DMD: variants seen among roughly 807,000 people sequenced by gnomAD.
The protein encoded by DMD is dystrophin.
Under a neutral mutation model 330.1 loss-of-function variants are expected in DMD, and 63 were observed. The ratio of observed to expected loss-of-function variants is 0.19; its 90% CI spans 0.16 to 0.24. The LOEUF is 0.24. Among genes scored for constraint, DMD ranks in the 10% least tolerant of loss-of-function variants. The pLI is 1.00. For synonymous variants in DMD, 1,223 were observed against 959.8 expected (o/e 1.27, Z -5.07); for missense variants, 3,344 against 2,684.1 (o/e 1.25, Z -5.43).
At chrX:31,347,704 C>T (rs1602050207) in intron 61 of DMD, among the ~76,000 whole-genome samples, 1 of 112,348 alleles carries the variant, frequency 8.9e-6, no homozygotes, top group Admixed American at 9.4e-5. Flanking sequence ...AGTGCAGGTA[C>T]CCTTTTGATA....
chrX:31,686,552 C>T (rs2082701258), intron 52 of DMD, among the ~76,000 whole-genome samples: 1 of 112,175 alleles, frequency 8.9e-6, no homozygotes. Context: ...TATAAAACAT[C>T]TTTAATGTCA....
Position 32,537,113 on chromosome X carries a change from G to A in DMD, c.2168+8046C>T, listed in dbSNP as rs769626244. ...ACCACTGTGAATGGCTGCACAGGTT[G>A]CTCACTGCACAAGTTCAGGATGTAC... On this transcript the variant is annotated intron_variant, in intron 17 of 78. Transcript: ENST00000357033. Among the ~76,000 whole-genome samples, 7 of 111,891 alleles carry A rather than the reference G, an allele frequency of 6.3e-5. No homozygotes were observed. The South Asian group carries it at 2.6e-3, about 41-fold the overall frequency.
intron 44 of DMD, among the ~76,000 whole-genome samples, chrX:32,163,251 C>A (rs2096856689): frequency 8.9e-6 from 1 of 111,813 alleles, no homozygotes; most frequent in South Asian, 3.8e-4. Context: ...AATCCATGTA[C>A]CTCTCATTGT....
At chrX:32,320,750 T>G in intron 41 of DMD, among the ~76,000 whole-genome samples, 1 of 112,046 alleles carries the variant, frequency 8.9e-6, no homozygotes, top group Non-Finnish European at 1.9e-5. Flanking sequence ...GATTTGTTTC[T>G]TTTTCAAATT....
intron 1 of DMD, among the ~76,000 whole-genome samples, chrX:33,318,264 TAAG>T (rs1016668393): frequency 5.4e-5 from 6 of 110,858 alleles, no homozygotes; most frequent in Non-Finnish European, 1.1e-4. Flanking sequence ...TTTGATGAGT[TAAG>T]AATAATTGGG....
chrX:31,576,759 G>GTTTTTTTGTTTTTTTT (rs1556701827), intron 55 of DMD, among the ~76,000 whole-genome samples: 2 of 103,656 alleles, frequency 1.9e-5, no homozygotes, highest in Non-Finnish European at 4.0e-5. Context: ...ATATGAGGTT[G>GTTTTTTTGTTTTTTTT]TTTTTTTTTG....
chrX:32,534,220 T>C (rs552512994), intron 17 of DMD, among the ~76,000 whole-genome samples: 3 of 112,180 alleles, frequency 2.7e-5, no homozygotes, highest in African/African-American at 9.7e-5. Flanking sequence ...GGTGACAGCC[T>C]TCTTCCTGGC....
At chrX:32,662,185 G>C (rs192658597) in intron 9 of DMD, among the ~76,000 whole-genome samples, 1 of 111,233 alleles carries the variant, frequency 9.0e-6, no homozygotes, top group African/African-American at 3.3e-5. Context: ...ATTCTATTTG[G>C]AAGTTTTTAT....
intron 1 of DMD, among the ~76,000 whole-genome samples, chrX:33,145,640 T>A (rs1249525526): frequency 1.2e-4 from 5 of 40,855 alleles, no homozygotes; most frequent in African/African-American, 2.5e-4. Flanking sequence ...TATATAATAC[T>A]AAATATATAT....
intron 44 of DMD, among the ~76,000 whole-genome samples, chrX:32,027,008 C>A (rs1395141776): frequency 1.3e-4 from 14 of 111,027 alleles, no homozygotes. Flanking sequence ...GCCAGTGGGG[C>A]TGGGAAATGT....
At chrX:32,413,754 T>C (rs1471879448) in intron 29 of DMD, among the ~76,000 whole-genome samples, 1 of 97,832 alleles carries the variant, frequency 1.0e-5, no homozygotes, top group Non-Finnish European at 2.0e-5. Flanking sequence ...GGAGTCTCTC[T>C]CTGTCACCCA....
At chrX:31,843,235 T>C (rs1404228170) in intron 48 of DMD, among the ~76,000 whole-genome samples, 1 of 111,920 alleles carries the variant, frequency 8.9e-6, no homozygotes, top group Non-Finnish European at 1.9e-5. Context: ...GGATATATAC[T>C]CAGTAATGGG....
At chrX:32,341,956 G>A in intron 41 of DMD, 144 bp downstream of exon 41, 1 of 591,139 alleles carries the variant, frequency 1.7e-6, no homozygotes, top group Non-Finnish European at 2.5e-6. Flanking sequence ...AGCCCAAAGT[G>A]AGGGAAACCA....
At chrX:32,414,069 C>A (rs2098156373) in intron 29 of DMD, among the ~76,000 whole-genome samples, 1 of 111,353 alleles carries the variant, frequency 9.0e-6, no homozygotes, top group South Asian at 3.8e-4. Context: ...TAATATAAGT[C>A]CTGCTGGTGT....
chrX:31,667,555 T>A (rs5927795), intron 53 of DMD, among the ~76,000 whole-genome samples: 44,458 of 109,110 alleles, frequency 0.41, 7,554 homozygotes, highest in African/African-American at 0.62. Context: ...GTAGTGAAAT[T>A]TATAATACAA....
At chrX:32,417,676 A>G (rs1193527609) in intron 29 of DMD, among the ~76,000 whole-genome samples, 2 of 111,282 alleles carry the variant, frequency 1.8e-5, no homozygotes, top group African/African-American at 6.5e-5. Context: ...TTATGGAGCA[A>G]GAGTACCTCA....
At chrX:32,850,222 A>T (rs1328381484) in intron 2 of DMD, among the ~76,000 whole-genome samples, 1 of 111,716 alleles carries the variant, frequency 9.0e-6, no homozygotes, top group Non-Finnish European at 1.9e-5. Context: ...CCATTCTTGG[A>T]ATATACCAGT....
intron 41 of DMD, among the ~76,000 whole-genome samples, chrX:32,335,987 AT>A (rs2097711044): frequency 2.5e-4 from 8 of 31,902 alleles, no homozygotes; most frequent in Non-Finnish European, 5.6e-4. Context: ...CATGTTATAT[AT>A]AACGTGTATA....
chrX:32,945,437 G>T (rs1288860997), intron 2 of DMD, among the ~76,000 whole-genome samples: 1 of 111,157 alleles, frequency 9.0e-6, no homozygotes, highest in Non-Finnish European at 1.9e-5. Context: ...GTACCAAGTT[G>T]ACAATATCAT....
Sources: allele counts gnomAD v4.1 joint callset (sites outside exome capture counted in the v4.1 genomes callset), GRCh38; gene constraint gnomAD v4.1.1; transcripts MANE v1.5; gene names NCBI Gene and HGNC (gene_info 2026-07-23, HGNC 2026-07-21).